Variants in MAMDC2 observed in about 807,000 individuals in gnomAD.
MAMDC2 encodes the protein MAM domain-containing protein 2.
In MAMDC2, 57 loss-of-function variants were observed where a neutral mutation model predicts 89.8. That is an observed-to-expected ratio of 0.63 (90% CI 0.51 to 0.79). The LOEUF (loss-of-function observed/expected upper bound fraction) is 0.79. Ranked by LOEUF, MAMDC2 falls within the 30% of genes least tolerant of loss-of-function variation. The pLI, the probability that MAMDC2 is intolerant of heterozygous loss-of-function variation, is 0.00. For missense variants in MAMDC2, 800 were observed against 820.6 expected (o/e 0.97, Z 0.31); for synonymous variants, 313 against 293.4 (o/e 1.07, Z -0.68).
intron 2 of MAMDC2, chr9:70,082,677 A>T (rs2118137264): frequency 6.6e-6 from 1 of 152,294 alleles, no homozygotes; most frequent in South Asian, 2.1e-4. Context: ...AAGGAAAGTC[A>T]GGTGTGATTA....
intron 11 of MAMDC2, among the ~76,000 whole-genome samples, chr9:70,215,005 T>C (rs970433077): frequency 6.6e-6 from 1 of 152,134 alleles, no homozygotes. Flanking sequence ...AAATTTGAGT[T>C]TGAGATATAA....
rs562514779 is a variant in MAMDC2, at chr9:70,185,082, T to C, written c.1651+14451T>C. Among the ~76,000 whole-genome samples the C allele has an allele frequency of 3.3e-5, 5 of 152,308 alleles. 1 individual carries two copies. The East Asian group carries it at 9.7e-4, about 29-fold the overall frequency. On this transcript the variant is annotated intron_variant, in intron 11 of 13. Transcript: ENST00000377182. Reference sequence around the variant, plus strand: ...GGATTTTGTGTGGGGGTCCTTTGTGTTGATGTTGATATTATTGTTTTCTGT... The same window carrying C: ...GGATTTTGTGTGGGGGTCCTTTGTGCTGATGTTGATATTATTGTTTTCTGT...
intron 11 of MAMDC2, among the ~76,000 whole-genome samples, chr9:70,202,058 T>G (rs1248045580): frequency 1.3e-5 from 2 of 151,938 alleles, no homozygotes; most frequent in Non-Finnish European, 2.9e-5. Flanking sequence ...TTTCCTTCAG[T>G]TCTGCTCTGA....
At chr9:70,067,430 G>A (rs1377631662) in intron 2 of MAMDC2, among the ~76,000 whole-genome samples, 1 of 152,144 alleles carries the variant, frequency 6.6e-6, no homozygotes, top group African/African-American at 2.4e-5. Flanking sequence ...CTCAGATACA[G>A]CTTCCAGTAG....
intron 2 of MAMDC2, among the ~76,000 whole-genome samples, chr9:70,098,720 T>A (rs141821467): frequency 1.3e-5 from 2 of 152,254 alleles, no homozygotes; most frequent in East Asian, 3.9e-4. Context: ...GAAAAGGAAA[T>A]ATTTGGAGAC....
intron 6 of MAMDC2, among the ~76,000 whole-genome samples, chr9:70,131,110 T>A (rs1202712427): frequency 1.3e-5 from 2 of 152,178 alleles, no homozygotes; most frequent in African/African-American, 4.8e-5. Context: ...AGGGCCTGTT[T>A]CCTGGTCCAT....
chr9:70,055,052 T>TA (rs939296756), intron 2 of MAMDC2, among the ~76,000 whole-genome samples: 4 of 152,036 alleles, frequency 2.6e-5, no homozygotes, highest in African/African-American at 9.7e-5. Context: ...CCTGTCTCTT[T>TA]AAAAAAACAA....
chr9:70,069,839 G>A (rs115398782), intron 2 of MAMDC2, among the ~76,000 whole-genome samples: 168 of 152,262 alleles, frequency 1.1e-3, no homozygotes, highest in African/African-American at 3.8e-3. Context: ...GGTTGTTCTC[G>A]CCTTGTTTCC....
chr9:70,197,891 C>T (rs577162185), intron 11 of MAMDC2, among the ~76,000 whole-genome samples: 84 of 152,140 alleles, frequency 5.5e-4, no homozygotes, highest in African/African-American at 1.9e-3. Context: ...AGTAGCCTAA[C>T]GCTACTTTAC....
At chr9:70,129,973 C>A (rs2030722037) in intron 6 of MAMDC2, among the ~76,000 whole-genome samples, 1 of 150,512 alleles carries the variant, frequency 6.6e-6, no homozygotes. Context: ...CATTCCTTGG[C>A]TTGTAGCTCT....
chr9:70,172,799 C>A (rs969729623), intron 11 of MAMDC2: 3 of 153,102 alleles, frequency 2.0e-5, no homozygotes, highest in African/African-American at 7.2e-5. Flanking sequence ...GGCCCAAAGG[C>A]AGACCAGATG....
intron 2 of MAMDC2, among the ~76,000 whole-genome samples, chr9:70,097,224 T>C (rs1828051155): frequency 6.6e-6 from 1 of 152,356 alleles, no homozygotes; most frequent in African/African-American, 2.4e-5. Context: ...CTTCACCCTA[T>C]TAAGGTTCTC....
intron 11 of MAMDC2, among the ~76,000 whole-genome samples, chr9:70,210,250 T>A (rs2033323754): frequency 6.6e-6 from 1 of 151,072 alleles, no homozygotes; most frequent in African/African-American, 2.4e-5. Context: ...AAGTCTCCCA[T>A]CATTATTGTA....
At chr9:70,159,078 A>ACACACT in intron 9 of MAMDC2, among the ~76,000 whole-genome samples, 1 of 150,702 alleles carries the variant, frequency 6.6e-6, no homozygotes, top group Admixed American at 6.6e-5. Flanking sequence ...ACACACACAC[A>ACACACT]CGTATAACAT....
At chr9:70,178,963 A>G (rs73448660) in intron 11 of MAMDC2, among the ~76,000 whole-genome samples, 1,679 of 152,244 alleles carry the variant, frequency 0.011, 22 homozygotes, top group African/African-American at 0.037. Context: ...CATGTAGAAT[A>G]TTGTCACCCA....
intron 2 of MAMDC2, chr9:70,092,548 C>G (rs1827926931): frequency 6.6e-6 from 1 of 152,070 alleles, no homozygotes; most frequent in Non-Finnish European, 1.5e-5. Context: ...TGAGAAGACC[C>G]AAGACTGCCT....
At chr9:70,181,859 C>T (rs2032652881) in intron 11 of MAMDC2, among the ~76,000 whole-genome samples, 1 of 152,214 alleles carries the variant, frequency 6.6e-6, no homozygotes, top group Non-Finnish European at 1.5e-5. Context: ...CTTTCTCTTG[C>T]CTGATTGCCC....
rs772152688 is a variant in MAMDC2, at chr9:70,218,419, T to A, written c.1734T>A (p.Ser578=). The A allele has an allele frequency of 1.9e-6, 3 of 1,614,206 alleles. No homozygotes were observed. Among genetic ancestry groups the A allele is most frequent in the Non-Finnish European group, 2.5e-6 (3 of 1,180,020 alleles). ...TGTCCAGGCCTCTGCGAGGAGTCTC[T>A]GGAAAACACTGCTTGACCTTTTTCT... The part of the protein sequence containing the change: ...RLLSRPLRGV[S]GKHCLTFFYH... The change falls in exon 12 of 14, where the codon TCT becomes TCA. Residue 578 remains serine, a synonymous_variant. Transcript: ENST00000377182.
In MAMDC2 at chr9:70,069,494, G is replaced by A. The variant is rs192109387; in HGVS notation, c.148+24797G>A. 3.3e-3 allele frequency among the ~76,000 whole-genome samples: 498 copies of A among 152,244 alleles called. 4 individuals are homozygous for A. Among genetic ancestry groups the A allele is most frequent in the South Asian group, 0.019 (93 of 4,830 alleles). On this transcript the variant is annotated intron_variant, in intron 2 of 13. Transcript: ENST00000377182. Reference sequence around the variant, plus strand: ...TTGTCATTGTAAACACTTTATAGACGATAGGGTCAAAAGCAAATTTTTAAA... The same window carrying A: ...TTGTCATTGTAAACACTTTATAGACAATAGGGTCAAAAGCAAATTTTTAAA...
Sources: allele counts gnomAD v4.1 joint callset (sites outside exome capture counted in the v4.1 genomes callset), GRCh38; gene constraint gnomAD v4.1.1; transcripts MANE v1.5; gene names NCBI Gene and HGNC (gene_info 2026-07-23, HGNC 2026-07-21).